PLEKHA6: variants seen among roughly 807,000 people sequenced by gnomAD.
The protein encoded by PLEKHA6 is pleckstrin homology domain containing A6.
In PLEKHA6, 60 loss-of-function variants were observed where a neutral mutation model predicts 116.7. The ratio of observed to expected loss-of-function variants is 0.51; its 90% confidence interval spans 0.42 to 0.64. PLEKHA6 has a LOEUF of 0.64. PLEKHA6 is among the 30% of genes least tolerant of loss of function. The probability of loss-of-function intolerance (pLI) is 0.00; values close to 1 mark genes in which losing one functional copy is unlikely to be tolerated. For missense variants in PLEKHA6, 1,338 were observed against 1,422.7 expected (o/e 0.94, Z 0.96); for synonymous variants, 489 against 556.1 (o/e 0.88, Z 1.70).
intron 1 of PLEKHA6, among the ~76,000 whole-genome samples, chr1:204,303,655 C>T (rs1671023521): frequency 1.3e-5 from 2 of 152,176 alleles, no homozygotes; most frequent in South Asian, 2.1e-4. Context: ...AAGACTCAGA[C>T]ACTCTAATAC....
intron 10 of PLEKHA6, among the ~76,000 whole-genome samples, chr1:204,249,843 T>G (rs1309713837): frequency 9.9e-5 from 15 of 152,096 alleles, no homozygotes; most frequent in Admixed American, 9.8e-4. Context: ...AGCAGACAGG[T>G]GAGGCCAGAA....
At position 204,257,438 on chromosome 1, in the gene PLEKHA6, C is replaced by T. The variant is rs201279852; in HGVS notation, c.1439G>A (p.Arg480His). 53 of 1,568,194 alleles carry T rather than the reference C, an allele frequency of 3.4e-5. No homozygotes were observed. The highest frequency in any genetic ancestry group is 1.4e-4 in the East Asian group (6 of 42,746). Reference sequence around the variant, plus strand: ...ACTGCGAGGTGGCAGCCGCTCAAAACGGGCACTGGGTGAGCGGACAGGGGA... The same window carrying T: ...ACTGCGAGGTGGCAGCCGCTCAAAATGGGCACTGGGTGAGCGGACAGGGGA... The part of the protein sequence containing the change: ...IYSPVRSPSA[R>H]FERLPPRSED... Residue 480 changes from arginine (R) to histidine (H), a missense_variant, in exon 9 of 23, where the codon CGT becomes CAT. This residue lies in a region of PLEKHA6 where 1,136 missense variants were observed against 1,163.6 expected (regional missense o/e 0.98). Transcript: ENST00000272203. This position sits in a 1 kb window ranked among gnomAD's most constrained non-coding sequence, Gnocchi z 6.5.
chr1:204,365,973 G>A (rs1418600600), intron 3 of PLEKHA6, among the ~76,000 whole-genome samples: 1 of 152,212 alleles, frequency 6.6e-6, no homozygotes, highest in Non-Finnish European at 1.5e-5. Flanking sequence ...GTGTGGAAAT[G>A]GGAGGACAGT....
intron 1 of PLEKHA6, among the ~76,000 whole-genome samples, chr1:204,312,736 CA>C (rs1181032547): frequency 1.3e-5 from 2 of 152,208 alleles, no homozygotes; most frequent in Non-Finnish European, 2.9e-5. Context: ...AGAAGAATCA[CA>C]AATGCCAAAA....
rs116807785 is a variant in PLEKHA6, at chr1:204,339,516, A to C, written c.-95+20178T>G. ...AGAGGAATTGTGTGCTGGGAGAGGG[A>C]GAGGAGGGAATCAGTTAAACTTTCC... On this transcript the variant is annotated intron_variant, in intron 1 of 22. Transcript: ENST00000272203. 1.7e-3 allele frequency among the ~76,000 whole-genome samples: 255 copies of C among 152,350 alleles called. 2 individuals are homozygous for C. The highest frequency in any genetic ancestry group is 5.9e-3 in the African/African-American group (245 of 41,580).
At chr1:204,309,033 C>G (rs1671546472) in intron 1 of PLEKHA6, 2 of 960,840 alleles carry the variant, frequency 2.1e-6, no homozygotes, top group Non-Finnish European at 1.2e-6. Flanking sequence ...ACTGTTCCTC[C>G]AGTGGCTGGT....
chr1:204,228,628 TCCCCTGGGGAGGCTCTGTG>T lies in PLEKHA6; in HGVS notation c.2885+81_2885+99del. On this transcript the variant is annotated intron_variant, in intron 20 of 22. Coordinates refer to ENST00000272203, the MANE Select transcript of PLEKHA6 (RefSeq NM_014935.5). The surrounding 1 kb of genome is among the most constrained non-coding windows in gnomAD (Gnocchi z 4.0). ...CTGGAGTCACCACCTCGATGTGCTCTCCCCTGGGGAGGCTCTGTGCCCCCAACGACTTCTAGTGGCCCAG... is the reference window on the plus strand; with the variant it reads ...CTGGAGTCACCACCTCGATGTGCTCTCCCCCAACGACTTCTAGTGGCCCAG... 1 of 1,082,466 alleles carries T rather than the reference TCCCCTGGGGAGGCTCTGTG, an allele frequency of 9.2e-7. No homozygotes were observed. Among genetic ancestry groups the T allele is most frequent in the Non-Finnish European group, 1.4e-6 (1 of 712,864 alleles). The allele number at this position is 1,082,466 out of a possible 1,614,324, so 67.1% of individuals were successfully genotyped here. A position where few individuals can be genotyped will look rare whatever the true frequency, so the allele number is the denominator to read the frequency against.
chr1:204,237,236 A>G (rs542797001), intron 17 of PLEKHA6, among the ~76,000 whole-genome samples: 1 of 152,340 alleles, frequency 6.6e-6, no homozygotes, highest in East Asian at 1.9e-4. Flanking sequence ...GCCAGAATGC[A>G]TAATTGGCAT....
At chr1:204,286,355 C>T (rs560788555) in intron 1 of PLEKHA6, among the ~76,000 whole-genome samples, 112 of 151,876 alleles carry the variant, frequency 7.4e-4, no homozygotes, top group South Asian at 1.3e-3. Context: ...TGTCCTGCCA[C>T]GCAGCAGCCG....
intron 1 of PLEKHA6, among the ~76,000 whole-genome samples, chr1:204,283,983 C>T (rs2102984463): frequency 6.6e-6 from 1 of 152,298 alleles, no homozygotes; most frequent in South Asian, 2.1e-4. Context: ...CCAGCAGGCT[C>T]ACCACTGCCT....
chr1:204,263,643 T>C (rs1228040002), intron 6 of PLEKHA6, among the ~76,000 whole-genome samples: 1 of 152,070 alleles, frequency 6.6e-6, no homozygotes, highest in Non-Finnish European at 1.5e-5. Context: ...CGGGGATGTT[T>C]ATCTCACGCC....
intron 1 of PLEKHA6, among the ~76,000 whole-genome samples, chr1:204,331,716 G>T (rs895711802): frequency 2.6e-5 from 4 of 152,076 alleles, no homozygotes; most frequent in African/African-American, 9.7e-5. Context: ...AAAAGAGAAA[G>T]GAAAAAGAAA....
At position 204,261,601 on chromosome 1, in the gene PLEKHA6, A is replaced by T. The variant is rs1455906572; in HGVS notation, c.382-153T>A. 1.2e-6 allele frequency: 1 copy of T among 835,296 alleles called. No homozygotes were observed. The highest frequency in any genetic ancestry group is 1.8e-6 in the Non-Finnish European group (1 of 543,844). 51.7% of individuals were successfully genotyped at this position (835,296 alleles called of 1,614,324 possible). On this transcript the variant is annotated intron_variant, in intron 6 of 22. Transcript: ENST00000272203. This position sits in a 1 kb window ranked among gnomAD's most constrained non-coding sequence, Gnocchi z 4.0. ...TCTTCCCCATGCGGAGCTCAGGAGCAAGGTGAAGAGGGCAGCTTGCAGCTA... is the reference window on the plus strand; with the variant it reads ...TCTTCCCCATGCGGAGCTCAGGAGCTAGGTGAAGAGGGCAGCTTGCAGCTA...
intron 1 of PLEKHA6, chr1:204,377,506 C>T (rs1378591957): frequency 6.6e-6 from 1 of 152,256 alleles, no homozygotes; most frequent in Non-Finnish European, 1.5e-5. Flanking sequence ...TCCGGCCTGC[C>T]CCCAGCCCCG....
chr1:204,251,938 T>C (rs1664628930), intron 9 of PLEKHA6, among the ~76,000 whole-genome samples: 1 of 152,094 alleles, frequency 6.6e-6, no homozygotes, highest in Non-Finnish European at 1.5e-5. Context: ...CCTGCCCTGA[T>C]CTCATTTCTC....
chr1:204,227,620 G>T (rs1660539139), intron 21 of PLEKHA6, among the ~76,000 whole-genome samples: 1 of 152,122 alleles, frequency 6.6e-6, no homozygotes, highest in Non-Finnish European at 1.5e-5. Context: ...CAACTCTTTG[G>T]TTGCCCTCAC....
intron 1 of PLEKHA6, among the ~76,000 whole-genome samples, chr1:204,302,969 G>A (rs971431634): frequency 7.9e-5 from 12 of 152,196 alleles, no homozygotes; most frequent in East Asian, 5.8e-4. Context: ...GATGAAGCAC[G>A]GAGGGGTCTA....
intron 10 of PLEKHA6, among the ~76,000 whole-genome samples, chr1:204,249,805 T>C (rs937894946): frequency 2.6e-5 from 4 of 152,168 alleles, no homozygotes; most frequent in Admixed American, 1.3e-4. Context: ...GCAGATCCAC[T>C]ACCCAAGCAG....
chr1:204,249,610 CG>C (rs1664267553), intron 10 of PLEKHA6, among the ~76,000 whole-genome samples: 1 of 152,086 alleles, frequency 6.6e-6, no homozygotes, highest in African/African-American at 2.4e-5. Context: ...AGAGGTGGGC[CG>C]GGTGTCAGAA....
Sources: gnomAD v4.1 joint callset for allele counts (sites outside exome capture counted in the v4.1 genomes callset) on GRCh38, gnomAD v4.1.1 for gene constraint, gnomAD v4.1.1 regional missense constraint, Gnocchi (gnomAD v3.1) non-coding constraint, MANE v1.5 for transcripts, NCBI Gene and HGNC (gene_info 2026-07-23, HGNC 2026-07-21) for gene names.